Variants in EPS15L1 observed in about 807,000 individuals in gnomAD.
The protein encoded by EPS15L1 is epidermal growth factor receptor substrate 15-like 1.
In EPS15L1, 43 loss-of-function variants were observed where a neutral mutation model predicts 117.1. That is an observed-to-expected ratio of 0.37 (90% CI 0.29 to 0.47). EPS15L1 has a LOEUF of 0.47. EPS15L1 is among the 20% of genes least tolerant of loss of function. The pLI is 0.99. For missense variants in EPS15L1, 981 were observed against 1,164.0 expected (o/e 0.84, Z 2.29); for synonymous variants, 459 against 470.5 (o/e 0.98, Z 0.32).
intron 16 of EPS15L1, among the ~76,000 whole-genome samples, chr19:16,397,357 TG>T (rs1208664106): frequency 4.6e-5 from 7 of 152,250 alleles, no homozygotes; most frequent in Non-Finnish European, 1.0e-4. Flanking sequence ...CCCAAAGTGC[TG>T]GGATTACAGG....
At chr19:16,393,597 C>T (rs1196775221) in intron 18 of EPS15L1, among the ~76,000 whole-genome samples, 1 of 147,582 alleles carries the variant, frequency 6.8e-6, no homozygotes, top group Non-Finnish European at 1.5e-5. Context: ...TGCAGTGAGC[C>T]GAGATCGCGC....
intron 16 of EPS15L1, among the ~76,000 whole-genome samples, chr19:16,398,682 C>T (rs1249431785): frequency 2.0e-5 from 3 of 152,170 alleles, no homozygotes; most frequent in Non-Finnish European, 4.4e-5. Flanking sequence ...GATCTCACTA[C>T]GTTGCCCAGG....
chr19:16,429,383 GC>G (rs1568444388), intron 7 of EPS15L1, among the ~76,000 whole-genome samples: 1 of 152,172 alleles, frequency 6.6e-6, no homozygotes, highest in Non-Finnish European at 1.5e-5. Context: ...CACACTGCCT[GC>G]CAGGCCAACG....
chr19:16,424,225 T>C (rs902687487), intron 9 of EPS15L1, among the ~76,000 whole-genome samples: 7 of 151,852 alleles, frequency 4.6e-5, no homozygotes, highest in African/African-American at 1.5e-4. Context: ...GATGAGGAAG[T>C]TGGAGTAGGG....
chr19:16,412,867 A>G (rs1181895235), intron 13 of EPS15L1: 4 of 584,008 alleles, frequency 6.8e-6, no homozygotes, highest in Admixed American at 6.3e-5. Context: ...GGCCGAGGAT[A>G]AGGAGTGGAT....
chr19:16,355,492 C>T lies in EPS15L1; in HGVS notation c.*213G>A, dbSNP rs982009213. The T allele has an allele frequency of 2.8e-5, 16 of 579,276 alleles. No individual in the cohort carries two copies. The highest frequency in any genetic ancestry group is 9.3e-5 in the African/African-American group (5 of 53,720). 35.9% of individuals were successfully genotyped at this position (579,276 alleles called of 1,614,324 possible). A position where few individuals can be genotyped will look rare whatever the true frequency, so the allele number is the denominator to read the frequency against. Reference sequence around the variant, plus strand: ...GGGATGGCACAGTGGAGAGACGGACCTGCAGAAGTGGTGGCCAAGGCCTCT... The same window carrying T: ...GGGATGGCACAGTGGAGAGACGGACTTGCAGAAGTGGTGGCCAAGGCCTCT... On this transcript the variant is annotated 3_prime_UTR_variant, in exon 24 of 24. Coordinates refer to ENST00000455140, the MANE Select transcript of EPS15L1 (RefSeq NM_001258374.3).
intron 1 of EPS15L1, among the ~76,000 whole-genome samples, chr19:16,455,183 C>T (rs12460648): frequency 0.14 from 21,877 of 152,156 alleles, 1,686 homozygotes; most frequent in African/African-American, 0.17. Context: ...AGTGGCACGA[C>T]CATAGCTCAC....
intron 5 of EPS15L1, among the ~76,000 whole-genome samples, chr19:16,437,414 G>C (rs189679871): frequency 4.9e-4 from 75 of 152,316 alleles, no homozygotes; most frequent in Admixed American, 1.4e-3. Context: ...GAATTCCATT[G>C]ATAGGAAATG....
intron 22 of EPS15L1, among the ~76,000 whole-genome samples, chr19:16,374,793 CAT>C (rs1327114478): frequency 2.6e-5 from 4 of 152,260 alleles, no homozygotes; most frequent in East Asian, 3.8e-4. Context: ...AATACGTGCA[CAT>C]GTGTGTAAAT....
chr19:16,457,776 G>A (rs1306114969), intron 1 of EPS15L1, among the ~76,000 whole-genome samples: 2 of 152,066 alleles, frequency 1.3e-5, no homozygotes, highest in Non-Finnish European at 1.5e-5. Flanking sequence ...GCATCTCAGA[G>A]AACAGACCTA....
chr19:16,363,058 C>T (rs1007993260), intron 22 of EPS15L1, among the ~76,000 whole-genome samples: 3 of 152,156 alleles, frequency 2.0e-5, no homozygotes, highest in African/African-American at 7.2e-5. Context: ...CAGAACATTC[C>T]ACCAAGAAGC....
chr19:16,402,042 T>C, intron 16 of EPS15L1: 1 of 1,185,744 alleles, frequency 8.4e-7, no homozygotes, highest in Non-Finnish European at 1.0e-6. Context: ...GTTGGCCCAA[T>C]GTAAATACTT....
At chr19:16,429,185 T>C (rs1462462859) in intron 7 of EPS15L1, among the ~76,000 whole-genome samples, 1 of 152,066 alleles carries the variant, frequency 6.6e-6, no homozygotes, top group African/African-American at 2.4e-5. Context: ...TGCGAGCTCA[T>C]GTCTGAGCAG....
At chr19:16,376,526 G>A (rs1249864424) in intron 22 of EPS15L1, among the ~76,000 whole-genome samples, 1 of 152,194 alleles carries the variant, frequency 6.6e-6, no homozygotes, top group African/African-American at 2.4e-5. Context: ...AGAGCTGTGC[G>A]TTGAGATGCC....
At chr19:16,378,699 C>T (rs191046561) in intron 21 of EPS15L1, among the ~76,000 whole-genome samples, 357 of 152,226 alleles carry the variant, frequency 2.3e-3, no homozygotes, top group Non-Finnish European at 3.7e-3. Context: ...CTTGGAGCGC[C>T]GGTGAGGCAC....
At chr19:16,390,845 G>A (rs913451854) in intron 19 of EPS15L1, among the ~76,000 whole-genome samples, 4 of 152,162 alleles carry the variant, frequency 2.6e-5, no homozygotes, top group African/African-American at 9.7e-5. Context: ...TACATGTAAA[G>A]CAGTGCTTAA....
rs1476152541 is a variant in EPS15L1, at chr19:16,377,117, C to T, written c.2380+5G>A. The T allele has an allele frequency of 1.9e-6, 3 of 1,590,126 alleles. No homozygotes were observed. Among genetic ancestry groups the T allele is most frequent in the South Asian group, 2.3e-5 (2 of 87,908 alleles). ...GGTGGCTGCGAGAGAAGAAAGCTTA[C>T]TGACCGCTGGGCGGTTTAGGCCGTG... On this transcript the variant is annotated splice_donor_5th_base_variant and intron_variant, in intron 22 of 23. Coordinates refer to ENST00000455140, the MANE Select transcript of EPS15L1 (RefSeq NM_001258374.3).
chr19:16,468,163 G>A (rs944738189), intron 1 of EPS15L1, among the ~76,000 whole-genome samples: 2 of 152,166 alleles, frequency 1.3e-5, no homozygotes, highest in African/African-American at 4.8e-5. Context: ...GGACAACACA[G>A]GGGAGGCCTC....
chr19:16,434,361 T>C lies in EPS15L1; in HGVS notation c.498+4A>G. ...CAGAAGAACCAAGCCCGTGGCCCAC[T>C]TACCCTGCCCAGGACATCAAGAGGC... On this transcript the variant is annotated splice_donor_region_variant and intron_variant, in intron 7 of 23. Transcript: ENST00000455140. The C allele has an allele frequency of 1.2e-6, 2 of 1,613,536 alleles. No individual in the cohort carries two copies. The highest frequency in any genetic ancestry group is 1.7e-6 in the Non-Finnish European group (2 of 1,179,792).
Sources: gnomAD v4.1 joint callset for allele counts (sites outside exome capture counted in the v4.1 genomes callset) on GRCh38, gnomAD v4.1.1 for gene constraint, MANE v1.5 for transcripts, NCBI Gene and HGNC (gene_info 2026-07-23, HGNC 2026-07-21) for gene names.